The following METTL14 variants were observed in gnomAD, a reference collection of about 807,000 sequenced individuals.
The protein encoded by METTL14 is methyltransferase 14, N6-adenosine-methyltransferase non-catalytic subunit.
A neutral mutation model predicts 62.4 loss-of-function variants in METTL14; 32 were observed. That is an observed-to-expected ratio of 0.51 (90% CI 0.39 to 0.69). The LOEUF is 0.69. METTL14 is among the 30% of genes least tolerant of loss of function. METTL14 has a pLI of 0.00. For synonymous variants in METTL14, 150 were observed against 180.0 expected (o/e 0.83, Z 1.34); for missense variants, 340 against 551.9 (o/e 0.62, Z 3.85).
intron 7 of METTL14, among the ~76,000 whole-genome samples, chr4:118,697,617 C>G (rs184340029): frequency 1.3e-5 from 2 of 152,080 alleles, no homozygotes; most frequent in East Asian, 3.9e-4. Flanking sequence ...AGTTTAAAAA[C>G]AGATGGAATG....
At chr4:118,706,313 T>C (rs1724755639) in intron 10 of METTL14, among the ~76,000 whole-genome samples, 1 of 152,232 alleles carries the variant, frequency 6.6e-6, no homozygotes, top group African/African-American at 2.4e-5. Flanking sequence ...TAATTTGCCT[T>C]TGTCAGAATG....
At chr4:118,704,846 G>A (rs1366867309) in intron 9 of METTL14, among the ~76,000 whole-genome samples, 1 of 152,150 alleles carries the variant, frequency 6.6e-6, no homozygotes, top group African/African-American at 2.4e-5. Context: ...GAGGTCATGG[G>A]AACCTCTGAT....
intron 1 of METTL14, 113 bp from the exon 2 acceptor site, chr4:118,687,810 T>A (rs1724117258): frequency 1.5e-6 from 1 of 685,440 alleles, no homozygotes; most frequent in Non-Finnish European, 2.5e-6. Context: ...TGTGTGTGTG[T>A]GAATTAAGGT....
In METTL14 at chr4:118,694,497, G is replaced by A. The variant is rs780879944; in HGVS notation, c.474G>A (p.Glu158=). ...GGGAGCTCATCAGGCTAAAGGATGA[G>A]TTAATAGCTAAATCTAACACTCCTC... ...KLRELIRLKD[E]LIAKSNTPPM... is the part of the protein sequence containing the mutation. The change falls in exon 6 of 11, where the codon GAG becomes GAA. Residue 158 remains glutamate (E), a synonymous_variant. Coordinates refer to ENST00000388822, the MANE Select transcript of METTL14 (RefSeq NM_020961.4). 4.3e-6 allele frequency: 7 copies of A among 1,613,102 alleles called. No individual in the cohort carries two copies. The highest frequency in any genetic ancestry group is 1.1e-5 in the South Asian group (1 of 90,854).
intron 8 of METTL14, among the ~76,000 whole-genome samples, chr4:118,702,006 A>T (rs2110406821): frequency 6.6e-6 from 1 of 152,244 alleles, no homozygotes; most frequent in South Asian, 2.1e-4. Flanking sequence ...AGAGCGAAAC[A>T]TACATGTTTT....
chr4:118,699,449 G>A (rs1724520648), intron 7 of METTL14, among the ~76,000 whole-genome samples: 1 of 152,120 alleles, frequency 6.6e-6, no homozygotes, highest in African/African-American at 2.4e-5. Context: ...GATATTTCTT[G>A]CAGAGAAGTT....
chr4:118,688,768 G>A (rs2110464284), intron 2 of METTL14, among the ~76,000 whole-genome samples: 1 of 152,212 alleles, frequency 6.6e-6, no homozygotes, highest in East Asian at 1.9e-4. Flanking sequence ...CCGCCTCCAG[G>A]GTTGAAGCAA....
chr4:118,701,210 T>C (rs990323396), intron 8 of METTL14, among the ~76,000 whole-genome samples: 6 of 141,828 alleles, frequency 4.2e-5, no homozygotes, highest in African/African-American at 1.6e-4. Context: ...TGAGACAAGG[T>C]ACCAACTCTG....
chr4:118,706,959 C>T (rs1326808216), intron 10 of METTL14, among the ~76,000 whole-genome samples: 2 of 151,994 alleles, frequency 1.3e-5, no homozygotes, highest in Non-Finnish European at 1.5e-5. Context: ...TTAAGAGTTA[C>T]TTGTATATTT....
At chr4:118,701,439 G>A (rs749311341) in intron 8 of METTL14, among the ~76,000 whole-genome samples, 4 of 151,768 alleles carry the variant, frequency 2.6e-5, no homozygotes, top group Non-Finnish European at 5.9e-5. Context: ...TCCCACCTCA[G>A]CCTCCCAAAG....
intron 5 of METTL14, among the ~76,000 whole-genome samples, chr4:118,694,174 GT>G (rs549575892): frequency 2.7e-4 from 40 of 149,700 alleles, no homozygotes; most frequent in African/African-American, 9.6e-4. Context: ...AGGGGTAATG[GT>G]TTAACTTAAT....
At chr4:118,692,557 C>A (rs566769636) in intron 5 of METTL14, among the ~76,000 whole-genome samples, 9 of 152,138 alleles carry the variant, frequency 5.9e-5, no homozygotes, top group Admixed American at 3.3e-4. Flanking sequence ...CGTGAGCCAC[C>A]GCTCCAGGCC....
chr4:118,708,837 G>A (rs937670930), intron 10 of METTL14, among the ~76,000 whole-genome samples: 4 of 152,096 alleles, frequency 2.6e-5, no homozygotes, highest in Non-Finnish European at 5.9e-5. Flanking sequence ...TGCTCCAGAG[G>A]CATATTTTCA....
At chr4:118,693,620 C>T (rs1320814583) in intron 5 of METTL14, among the ~76,000 whole-genome samples, 2 of 152,080 alleles carry the variant, frequency 1.3e-5, no homozygotes, top group African/African-American at 4.8e-5. Flanking sequence ...GTAGATGTAG[C>T]ATAAAAATTT....
At chr4:118,689,216 G>A (rs1238533521) in intron 2 of METTL14, among the ~76,000 whole-genome samples, 154 bp from the exon 3 acceptor site, 1 of 152,072 alleles carries the variant, frequency 6.6e-6, no homozygotes, top group Non-Finnish European at 1.5e-5. Context: ...CAGGTTATTT[G>A]ACTTTTTGGA....
chr4:118,692,783 T>C (rs1724294130), intron 5 of METTL14, among the ~76,000 whole-genome samples: 1 of 152,226 alleles, frequency 6.6e-6, no homozygotes, highest in South Asian at 2.1e-4. Flanking sequence ...GCATCTCCCC[T>C]AAGGAAGCCC....
intron 2 of METTL14, 139 bp downstream of exon 2, chr4:118,688,150 T>C (rs1666977624): frequency 1.5e-6 from 1 of 666,062 alleles, no homozygotes; most frequent in Non-Finnish European, 2.5e-6. Flanking sequence ...TACACCTGCC[T>C]TGGCCTCCCA....
intron 8 of METTL14, among the ~76,000 whole-genome samples, chr4:118,703,570 A>C (rs1724668144): frequency 1.3e-5 from 2 of 152,224 alleles, no homozygotes; most frequent in African/African-American, 4.8e-5. Flanking sequence ...GTTGGCAGGA[A>C]TCAAATTGTG....
At chr4:118,688,518 G>A (rs1329300634) in intron 2 of METTL14, among the ~76,000 whole-genome samples, 1 of 151,736 alleles carries the variant, frequency 6.6e-6, no homozygotes, top group Non-Finnish European at 1.5e-5. Context: ...ATTAAGAAAA[G>A]CATCAAAATA....
Sources: gnomAD v4.1 joint callset for allele counts (sites outside exome capture counted in the v4.1 genomes callset) on GRCh38, gnomAD v4.1.1 for gene constraint, MANE v1.5 for transcripts, NCBI Gene and HGNC (gene_info 2026-07-23, HGNC 2026-07-21) for gene names.